The following ATP6V0C variants were observed in gnomAD, a reference collection of about 807,000 sequenced individuals.
ATP6V0C encodes V-type proton ATPase 16 kDa proteolipid subunit c.
Under a neutral mutation model 10.6 loss-of-function variants are expected in ATP6V0C, and 2 were observed. The observed-to-expected ratio is 0.19, with a 90% CI of 0.08 to 0.59. The LOEUF (loss-of-function observed/expected upper bound fraction) is 0.59. Ranked by LOEUF, ATP6V0C falls within the 20% of genes least tolerant of loss-of-function variation. The pLI is 0.90. For missense variants in ATP6V0C, 89 were observed against 225.9 expected (o/e 0.39, Z 3.88); for synonymous variants, 128 against 101.3 (o/e 1.26, Z -1.59).
chr16:2,514,053 C>T lies in ATP6V0C; in HGVS notation c.-51C>T, dbSNP rs902316118. The T allele has an allele frequency of 2.6e-6, 4 of 1,509,680 alleles. No homozygotes were observed. The highest frequency in any genetic ancestry group is 1.4e-5 in the African/African-American group (1 of 69,264). 93.5% of individuals were successfully genotyped at this position (1,509,680 alleles called of 1,614,324 possible). ...CGTGCCCGGCCCGTCCTCGCCCCCG[C>T]CTCCGCCACCGCCTCGGCCCGCAGA... On this transcript the variant is annotated 5_prime_UTR_variant, in exon 1 of 3. Transcript: ENST00000330398.
In ATP6V0C at chr16:2,514,018, C is replaced by A; in HGVS notation, c.-86C>A. 1 of 1,308,590 alleles carries A rather than the reference C, an allele frequency of 7.6e-7. No individual in the cohort carries two copies. Among genetic ancestry groups the A allele is most frequent in the Non-Finnish European group, 1.0e-6 (1 of 954,832 alleles). The allele number at this position is 1,308,590 out of a possible 1,614,324, so 81.1% of individuals were successfully genotyped here. A position where few individuals can be genotyped will look rare whatever the true frequency, so the allele number is the denominator to read the frequency against. ...CGGATCGCCTTCGCCGCCGCCCGCC[C>A]GCAAACCTTCGTGCCCGGCCCGTCC... On this transcript the variant is annotated 5_prime_UTR_variant, in exon 1 of 3. Transcript: ENST00000330398.
Position 2,514,064 on chromosome 16 carries a change from G to C in ATP6V0C, c.-40G>C. On this transcript the variant is annotated 5_prime_UTR_variant, in exon 1 of 3. Coordinates refer to ENST00000330398, the MANE Select transcript of ATP6V0C (RefSeq NM_001694.4). ...CGTCCTCGCCCCCGCCTCCGCCACC[G>C]CCTCGGCCCGCAGAGCTTGCCCCCT... 6.7e-7 allele frequency: 1 copy of C among 1,490,494 alleles called. No individual in the cohort carries two copies. The highest frequency in any genetic ancestry group is 1.4e-5 in the African/African-American group (1 of 69,094). 92.3% of individuals were successfully genotyped at this position (1,490,494 alleles called of 1,614,324 possible). A position where few individuals can be genotyped will look rare whatever the true frequency, so the allele number is the denominator to read the frequency against.
chr16:2,514,016 C>G lies in ATP6V0C; in HGVS notation c.-88C>G. The stretch of plus-strand genomic sequence containing the variant: ...GCCGGATCGCCTTCGCCGCCGCCCG[C>G]CCGCAAACCTTCGTGCCCGGCCCGT... On this transcript the variant is annotated 5_prime_UTR_variant, in exon 1 of 3. Coordinates refer to ENST00000330398, the MANE Select transcript of ATP6V0C (RefSeq NM_001694.4). 1 of 1,276,504 alleles carries G rather than the reference C, an allele frequency of 7.8e-7. No individual in the cohort carries two copies. Among genetic ancestry groups the G allele is most frequent in the Non-Finnish European group, 1.1e-6 (1 of 927,804 alleles). 79.1% of individuals were successfully genotyped at this position (1,276,504 alleles called of 1,614,324 possible).
At position 2,518,489 on chromosome 16, in the gene ATP6V0C, G is replaced by C. The variant is rs1480156158; in HGVS notation, c.80-729G>C. 2.6e-5 allele frequency among the ~76,000 whole-genome samples: 4 copies of C among 152,230 alleles called. No individual in the cohort carries two copies. In the East Asian group the frequency reaches 7.7e-4, roughly 29 times the overall value. On this transcript the variant is annotated intron_variant, in intron 1 of 2. Coordinates refer to ENST00000330398, the MANE Select transcript of ATP6V0C (RefSeq NM_001694.4). ...TCAGCTGAGGCCTCGTAGTTGGACT[G>C]TTGATGATCCCCGTCGTCTTCTCTG...
chr16:2,514,248 C>T (rs2065865476), intron 1 of ATP6V0C, 66 bp downstream of exon 1: 5 of 1,461,956 alleles, frequency 3.4e-6, no homozygotes, highest in East Asian at 2.8e-5. Context: ...CGCAGCTCGC[C>T]GGGGTCCGGT....
chr16:2,519,496 CT>C, intron 2 of ATP6V0C, 44 bp from the exon 3 acceptor site: 2 of 1,543,466 alleles, frequency 1.3e-6, no homozygotes, highest in Non-Finnish European at 8.8e-7. Context: ...TTGTCTCCCC[CT>C]GGTTGGCAGG....
intron 1 of ATP6V0C, among the ~76,000 whole-genome samples, chr16:2,518,821 T>C (rs1181823854): frequency 1.3e-5 from 2 of 152,192 alleles, no homozygotes; most frequent in Admixed American, 6.5e-5. Context: ...CAGCATGTTG[T>C]CCTGGGCAGT....
At chr16:2,513,782 G>A (rs1434188067), upstream of ATP6V0C, 1 of 188,770 alleles carries the variant, frequency 5.3e-6, no homozygotes. Context: ...CGGAGGCCGA[G>A]GCAGGGCGGG....
At chr16:2,516,448 T>C (rs2065877597) in intron 1 of ATP6V0C, among the ~76,000 whole-genome samples, 1 of 152,122 alleles carries the variant, frequency 6.6e-6, no homozygotes, top group Non-Finnish European at 1.5e-5. Flanking sequence ...TCAGCATGCT[T>C]TCCTCCAGGA....
rs1310027986 is a variant in ATP6V0C at position 2,514,277 on chromosome 16, G to A, written c.79+95G>A. ...GTCCGGTGTGTGACGTCACTCTGAC[G>A]TAATCCCGAGCTGTCGGGGGCGCCC... On this transcript the variant is annotated intron_variant, in intron 1 of 2. Coordinates refer to ENST00000330398, the MANE Select transcript of ATP6V0C (RefSeq NM_001694.4). 5 of 1,332,920 alleles carry A rather than the reference G, an allele frequency of 3.8e-6. No homozygotes were observed. In the African/African-American group the frequency reaches 4.6e-5, roughly 12 times the overall value. 82.6% of individuals were successfully genotyped at this position (1,332,920 alleles called of 1,614,324 possible). A position where few individuals can be genotyped will look rare whatever the true frequency, so the allele number is the denominator to read the frequency against.
In ATP6V0C at chr16:2,514,071, C is replaced by T. The variant is rs1356037506; in HGVS notation, c.-33C>T. On this transcript the variant is annotated 5_prime_UTR_variant, in exon 1 of 3. Coordinates refer to ENST00000330398, the MANE Select transcript of ATP6V0C (RefSeq NM_001694.4). ...GCCCCCGCCTCCGCCACCGCCTCGG[C>T]CCGCAGAGCTTGCCCCCTCCCCACC... 2 of 1,543,116 alleles carry T rather than the reference C, an allele frequency of 1.3e-6. No individual in the cohort carries two copies. The highest frequency in any genetic ancestry group is 1.7e-6 in the Non-Finnish European group (2 of 1,143,960).
Position 2,513,975 on chromosome 16 carries a change from G to A in ATP6V0C, c.-129G>A. The A allele has an allele frequency of 1.3e-6, 1 of 794,008 alleles. No individual in the cohort carries two copies. Among genetic ancestry groups the A allele is most frequent in the Non-Finnish European group, 2.0e-6 (1 of 510,708 alleles). The allele number at this position is 794,008 out of a possible 1,614,324, so 49.2% of individuals were successfully genotyped here. ...TTGTTCTGCGGTGCTGGTATTTAGA[G>A]CGCAGCGGCTGACGGGCCGGATCGC... On this transcript the variant is annotated 5_prime_UTR_variant, in exon 1 of 3. Coordinates refer to ENST00000330398, the MANE Select transcript of ATP6V0C (RefSeq NM_001694.4).
At position 2,514,092 on chromosome 16, in the gene ATP6V0C, C is replaced by T; in HGVS notation, c.-12C>T. ...TCGGCCCGCAGAGCTTGCCCCCTCC[C>T]CACCCGCAGACATGTCCGAGTCCAA... On this transcript the variant is annotated 5_prime_UTR_variant, in exon 1 of 3. Transcript: ENST00000330398. 1.9e-6 allele frequency: 3 copies of T among 1,571,456 alleles called. No homozygotes were observed. The highest frequency in any genetic ancestry group is 2.6e-6 in the Non-Finnish European group (3 of 1,160,094).
intron 1 of ATP6V0C, among the ~76,000 whole-genome samples, chr16:2,518,795 C>A (rs1482232846): frequency 6.6e-6 from 1 of 152,192 alleles, no homozygotes; most frequent in African/African-American, 2.4e-5. Flanking sequence ...ATCCCCAAGA[C>A]CTTTGGTGGC....
In ATP6V0C at chr16:2,514,202, GGACTCGGGGGCGGGGGCGC is replaced by G. The variant is rs2065865134; in HGVS notation, c.79+22_79+40del. 6.5e-7 allele frequency: 1 copy of G among 1,534,786 alleles called. No individual in the cohort carries two copies. The highest frequency in any genetic ancestry group is 8.8e-7 in the Non-Finnish European group (1 of 1,140,290). Reference sequence around the variant, plus strand: ...TCAGCGGTGAGCGCGGCGGCGGGAGGGACTCGGGGGCGGGGGCGCGCGCGTTGCTCATGCCCGCAGCTCG... The same window carrying G: ...TCAGCGGTGAGCGCGGCGGCGGGAGGGCGCGTTGCTCATGCCCGCAGCTCG... On this transcript the variant is annotated intron_variant, in intron 1 of 2. Coordinates refer to ENST00000330398, the MANE Select transcript of ATP6V0C (RefSeq NM_001694.4).
chr16:2,514,818 G>A (rs2065869149), intron 1 of ATP6V0C, among the ~76,000 whole-genome samples: 1 of 152,216 alleles, frequency 6.6e-6, no homozygotes. Flanking sequence ...CTGGGCTGAG[G>A]GCTTGGTTCG....
At position 2,514,020 on chromosome 16, in the gene ATP6V0C, C is replaced by G; in HGVS notation, c.-84C>G. On this transcript the variant is annotated 5_prime_UTR_variant, in exon 1 of 3. Coordinates refer to ENST00000330398, the MANE Select transcript of ATP6V0C (RefSeq NM_001694.4). ...GATCGCCTTCGCCGCCGCCCGCCCG[C>G]AAACCTTCGTGCCCGGCCCGTCCTC... is the stretch of plus-strand genomic sequence containing the variant. 1.5e-6 allele frequency: 2 copies of G among 1,331,068 alleles called. No homozygotes were observed. Among genetic ancestry groups the G allele is most frequent in the Non-Finnish European group, 2.1e-6 (2 of 974,604 alleles). 82.5% of individuals were successfully genotyped at this position (1,331,068 alleles called of 1,614,324 possible).
chr16:2,519,384 C>G lies in ATP6V0C; in HGVS notation c.246C>G (p.Asp82Glu), dbSNP rs1309743261. ...VAVLIANSLN[D>E]DISLYKSFLQ... ...TCCTCATCGCCAACTCCCTGAATGACGACATCAGCCTCTACAAGTGAGCAC... is the reference window on the plus strand; with the variant it reads ...TCCTCATCGCCAACTCCCTGAATGAGGACATCAGCCTCTACAAGTGAGCAC... The change falls in exon 2 of 3, where the codon GAC becomes GAG. Residue 82 changes from aspartate to glutamate, a missense_variant. Asp to Glu is a conservative substitution (Grantham distance 45). Coordinates refer to ENST00000330398, the MANE Select transcript of ATP6V0C (RefSeq NM_001694.4). 4 of 1,613,362 alleles carry G rather than the reference C, an allele frequency of 2.5e-6. No individual in the cohort carries two copies. Among genetic ancestry groups the G allele is most frequent in the Admixed American group, 1.7e-5 (1 of 59,978 alleles).
At chr16:2,517,361 C>G (rs2065881692) in intron 1 of ATP6V0C, 1 of 152,342 alleles carries the variant, frequency 6.6e-6, no homozygotes, top group South Asian at 2.1e-4. Flanking sequence ...CAGCCTCCTT[C>G]CTCCCTCTAT....
Sources: allele counts gnomAD v4.1 joint callset (sites outside exome capture counted in the v4.1 genomes callset), GRCh38; gene constraint gnomAD v4.1.1; transcripts MANE v1.5; gene names NCBI Gene and HGNC (gene_info 2026-07-23, HGNC 2026-07-21).